Variants in PCCA observed in about 807,000 individuals in gnomAD.
PCCA encodes propionyl-CoA carboxylase subunit alpha, also known as propionyl-CoA carboxylase alpha chain, mitochondrial.
A neutral mutation model predicts 101.3 loss-of-function variants in PCCA; 74 were observed. That is an observed-to-expected ratio of 0.73 (90% CI 0.61 to 0.89). The LOEUF is 0.89. Among genes scored for constraint, PCCA ranks in the 40% least tolerant of loss-of-function variants. The pLI, the probability that PCCA is intolerant of heterozygous loss-of-function variation, is 0.00. For missense variants in PCCA, 891 were observed against 907.0 expected, an observed-to-expected ratio of 0.98 and a Z score of 0.23; for synonymous variants, 294 against 313.6, an observed-to-expected ratio of 0.94 and a Z score of 0.66.
chr13:100,233,031 T>C (rs890622842), intron 7 of PCCA, among the ~76,000 whole-genome samples: 10 of 152,192 alleles, frequency 6.6e-5, no homozygotes, highest in African/African-American at 1.7e-4. Context: ...TAAATTGTTT[T>C]TCAGAATTTT....
chr13:100,296,935 G>C (rs1213182005), intron 12 of PCCA, among the ~76,000 whole-genome samples: 1 of 152,258 alleles, frequency 6.6e-6, no homozygotes, highest in Non-Finnish European at 1.5e-5. Context: ...GCATTTAGTT[G>C]TTGTATCTCT....
Position 100,506,785 on chromosome 13 carries a change from AGGAAGAG to A in PCCA, c.1900-8639_1900-8633del, listed in dbSNP as rs2086114183. On this transcript the variant is annotated intron_variant, in intron 21 of 23. Coordinates refer to ENST00000376285, the MANE Select transcript of PCCA (RefSeq NM_000282.4). ...GAGCATTTCAGATAGGAGGAGAAAA[AGGAAGAG>A]GGTTGGGCACCGTCGTGAAATGGTA... 2.6e-5 allele frequency among the ~76,000 whole-genome samples: 4 copies of A among 152,124 alleles called. No individual in the cohort carries two copies. In the South Asian group the frequency reaches 8.3e-4, roughly 32 times the overall value.
chr13:100,400,638 T>TTG, intron 19 of PCCA, among the ~76,000 whole-genome samples: 1 of 143,482 alleles, frequency 7.0e-6, no homozygotes, highest in African/African-American at 2.6e-5. Context: ...TTCTTTTTTT[T>TTG]TTTTTTTTTG....
intron 1 of PCCA, among the ~76,000 whole-genome samples, chr13:100,098,133 A>G (rs1241237781): frequency 1.3e-5 from 2 of 152,116 alleles, no homozygotes; most frequent in African/African-American, 2.4e-5. Flanking sequence ...AGAGGCTGCC[A>G]TGGGCTATAA....
intron 19 of PCCA, among the ~76,000 whole-genome samples, chr13:100,378,667 G>C (rs1207686256): frequency 6.6e-6 from 1 of 152,026 alleles, no homozygotes; most frequent in African/African-American, 2.4e-5. Flanking sequence ...TATTTCAAAA[G>C]ACTTCTCTTC....
At chr13:100,373,915 C>T (rs763519878) in intron 19 of PCCA, among the ~76,000 whole-genome samples, 2 of 151,998 alleles carry the variant, frequency 1.3e-5, no homozygotes, top group Non-Finnish European at 2.9e-5. Context: ...AGTTCGAGAC[C>T]AGCCTGGCCA....
intron 2 of PCCA, among the ~76,000 whole-genome samples, chr13:100,107,921 A>G (rs779561404): frequency 2.6e-4 from 40 of 152,232 alleles, no homozygotes; most frequent in Non-Finnish European, 4.3e-4. Context: ...CTCAAAGCCC[A>G]TGGATAGTGA....
intron 6 of PCCA, among the ~76,000 whole-genome samples, chr13:100,176,669 T>C (rs1194026166): frequency 6.6e-6 from 1 of 152,230 alleles, no homozygotes; most frequent in Non-Finnish European, 1.5e-5. Context: ...CAAGTCCGAT[T>C]TTTATTATTT....
intron 4 of PCCA, among the ~76,000 whole-genome samples, chr13:100,143,081 C>T (rs552759240): frequency 6.6e-6 from 1 of 152,294 alleles, no homozygotes; most frequent in South Asian, 2.1e-4. Context: ...TTCAATCCTG[C>T]TACTCTTGCT....
chr13:100,256,481 AG>A (rs1221374059), intron 8 of PCCA, among the ~76,000 whole-genome samples: 1 of 152,132 alleles, frequency 6.6e-6, no homozygotes, highest in African/African-American at 2.4e-5. Flanking sequence ...CAGTGCACTG[AG>A]CATTGTTTCA....
chr13:100,240,700 A>G (rs951097777), intron 8 of PCCA, among the ~76,000 whole-genome samples: 1 of 152,148 alleles, frequency 6.6e-6, no homozygotes, highest in African/African-American at 2.4e-5. Context: ...AGATCCCACT[A>G]TTAACCTTTT....
In PCCA at chr13:100,227,770, T is replaced by G. The variant is rs114080083; in HGVS notation, c.601-8072T>G. Among the ~76,000 whole-genome samples, 328 of 152,266 alleles carry G rather than the reference T, an allele frequency of 2.2e-3. 2 individuals carry two copies. Among genetic ancestry groups the G allele is most frequent in the African/African-American group, 7.4e-3 (308 of 41,560 alleles). Reference sequence around the variant, plus strand: ...CCAGGTAGTTTATCACTTAGAAGAATAGAATAAAATGATATCATTGGACTC... The same window carrying G: ...CCAGGTAGTTTATCACTTAGAAGAAGAGAATAAAATGATATCATTGGACTC... On this transcript the variant is annotated intron_variant, in intron 7 of 23. Coordinates refer to ENST00000376285, the MANE Select transcript of PCCA (RefSeq NM_000282.4).
At chr13:100,405,306 T>G (rs900315629) in intron 19 of PCCA, among the ~76,000 whole-genome samples, 5 of 152,314 alleles carry the variant, frequency 3.3e-5, no homozygotes, top group Middle Eastern at 3.4e-3. Context: ...ACTTTTACAT[T>G]ACCCATCCCT....
chr13:100,213,584 A>AT (rs2059350543), intron 7 of PCCA, among the ~76,000 whole-genome samples: 1 of 151,898 alleles, frequency 6.6e-6, no homozygotes, highest in East Asian at 1.9e-4. Flanking sequence ...GGATTATTAG[A>AT]TTTTTTTTCT....
intron 16 of PCCA, among the ~76,000 whole-genome samples, chr13:100,325,261 C>G (rs960652397): frequency 6.6e-6 from 1 of 151,932 alleles, no homozygotes; most frequent in Non-Finnish European, 1.5e-5. Flanking sequence ...CCCATAGACT[C>G]GAATATGACT....
intron 4 of PCCA, among the ~76,000 whole-genome samples, chr13:100,134,220 G>A (rs903638484): frequency 2.6e-5 from 4 of 152,090 alleles, no homozygotes; most frequent in African/African-American, 7.2e-5. Flanking sequence ...AAATCAAATG[G>A]GGTGATATTT....
chr13:100,422,070 T>TTTTCTTTCTTTC (rs1555454057), intron 19 of PCCA, among the ~76,000 whole-genome samples: 2 of 110,666 alleles, frequency 1.8e-5, no homozygotes, highest in Non-Finnish European at 1.8e-5. Flanking sequence ...TTCTCTTTTC[T>TTTTCTTTCTTTC]TTTCTTTCTT....
At chr13:100,449,217 A>G in intron 20 of PCCA, 35 bp from the exon 21 acceptor site, 8 of 1,366,462 alleles carry the variant, frequency 5.9e-6, no homozygotes, top group Non-Finnish European at 8.2e-6. Flanking sequence ...CTGTGCAGAT[A>G]TGAGTTCATT....
Position 100,111,983 on chromosome 13 carries a change from T to C in PCCA, c.232-10T>C, listed in dbSNP as rs1355823648. 1 of 1,596,178 alleles carries C rather than the reference T, an allele frequency of 6.3e-7. No individual in the cohort carries two copies. Among genetic ancestry groups the C allele is most frequent in the Non-Finnish European group, 8.6e-7 (1 of 1,165,240 alleles). ...TCACTATTAATAGACATTAATATATTTTAAAATAGGTTATTAGAACTTGCA... is the reference window on the plus strand; with the variant it reads ...TCACTATTAATAGACATTAATATATCTTAAAATAGGTTATTAGAACTTGCA... On this transcript the variant is annotated splice_polypyrimidine_tract_variant and intron_variant, in intron 3 of 23. Transcript: ENST00000376285.
Sources: allele counts gnomAD v4.1 joint callset (sites outside exome capture counted in the v4.1 genomes callset), GRCh38; gene constraint gnomAD v4.1.1; transcripts MANE v1.5; gene names NCBI Gene and HGNC (gene_info 2026-07-23, HGNC 2026-07-21).